The following GALK2 variants were observed in gnomAD, a reference collection of about 807,000 sequenced individuals.
The protein encoded by GALK2 is galactokinase 2.
In GALK2, 36 loss-of-function variants were observed where a neutral mutation model predicts 52.4. The observed-to-expected ratio is 0.69, with a 90% confidence interval of 0.53 to 0.91. GALK2 has a LOEUF of 0.91. Among genes scored for constraint, GALK2 ranks in the 40% least tolerant of loss-of-function variants. The pLI is 0.00. For missense variants in GALK2, 579 were observed against 559.1 expected, an observed-to-expected ratio of 1.04 and a Z score of -0.36; for synonymous variants, 176 against 199.1, an observed-to-expected ratio of 0.88 and a Z score of 0.98.
At chr15:49,176,908 A>G (rs949024646) in intron 1 of GALK2, among the ~76,000 whole-genome samples, 7 of 152,174 alleles carry the variant, frequency 4.6e-5, no homozygotes, top group Non-Finnish European at 7.4e-5. Flanking sequence ...AGAAAATACC[A>G]CTTTTTCCTT....
At chr15:49,338,572 T>G (rs557489827) in intron 3 of GALK2, among the ~76,000 whole-genome samples, 2 of 152,340 alleles carry the variant, frequency 1.3e-5, no homozygotes, top group South Asian at 4.1e-4. Flanking sequence ...TTTCCTTCAT[T>G]TCAACCTTGG....
intron 3 of GALK2, among the ~76,000 whole-genome samples, chr15:49,341,144 C>G (rs1191430272): frequency 6.6e-6 from 1 of 152,118 alleles, no homozygotes; most frequent in Admixed American, 6.5e-5. Flanking sequence ...TGTACCAGTA[C>G]CATGCTGTTT....
intron 1 of GALK2, among the ~76,000 whole-genome samples, chr15:49,197,213 C>T (rs1396053881): frequency 1.3e-5 from 2 of 152,152 alleles, no homozygotes; most frequent in Non-Finnish European, 2.9e-5. Flanking sequence ...AATACCTTTG[C>T]CCATTTCTTG....
chr15:49,164,026 A>C (rs73390343), intron 1 of GALK2, among the ~76,000 whole-genome samples: 28,307 of 152,064 alleles, frequency 0.19, 2,784 homozygotes, highest in Non-Finnish European at 0.21. Flanking sequence ...AGTTCTGGAA[A>C]GAAAACTCGT....
chr15:49,324,718 G>A (rs1360512119), intron 9 of GALK2, among the ~76,000 whole-genome samples: 1 of 152,056 alleles, frequency 6.6e-6, no homozygotes, highest in African/African-American at 2.4e-5. Context: ...GAGAGCAGAA[G>A]CTAGAAGTCT....
At position 49,203,607 on chromosome 15, in the gene GALK2, A is replaced by G. The variant is rs921965623; in HGVS notation, c.142+2357A>G. Among the ~76,000 whole-genome samples, 4 of 152,250 alleles carry G rather than the reference A, an allele frequency of 2.6e-5. No individual in the cohort carries two copies. The East Asian group carries it at 5.8e-4, about 22-fold the overall frequency. On this transcript the variant is annotated intron_variant, in intron 2 of 9. Coordinates refer to ENST00000560031, the MANE Select transcript of GALK2 (RefSeq NM_002044.4). Reference sequence around the variant, plus strand: ...ATTCATAAAATCTTTGCCTAGACCAATGTCTTGAAGTGTTTCCTTTATGTT... The same window carrying G: ...ATTCATAAAATCTTTGCCTAGACCAGTGTCTTGAAGTGTTTCCTTTATGTT...
At chr15:49,254,142 G>A (rs2091722317) in intron 5 of GALK2, among the ~76,000 whole-genome samples, 1 of 144,110 alleles carries the variant, frequency 6.9e-6, no homozygotes, top group Non-Finnish European at 1.6e-5. Context: ...TAATTGGATT[G>A]GGTTGAATTA....
chr15:49,303,377 A>G (rs970947053), intron 8 of GALK2, among the ~76,000 whole-genome samples: 1 of 152,078 alleles, frequency 6.6e-6, no homozygotes, highest in African/African-American at 2.4e-5. Context: ...CACACCAGTG[A>G]TTTGTGTTGT....
At chr15:49,265,742 T>G (rs2141660952) in intron 5 of GALK2, among the ~76,000 whole-genome samples, 1 of 152,348 alleles carries the variant, frequency 6.6e-6, no homozygotes. Context: ...CCATGTTTTT[T>G]TAACTGAATG....
At chr15:49,168,180 T>C (rs1440128150), upstream of GALK2, among the ~76,000 whole-genome samples, 2 of 152,244 alleles carry the variant, frequency 1.3e-5, no homozygotes, top group African/African-American at 4.8e-5. Flanking sequence ...TTGTTGAGAC[T>C]GCAATAGCAA....
downstream of GALK2, among the ~76,000 whole-genome samples, chr15:49,333,510 T>TTTAC (rs1329700272): frequency 6.6e-6 from 1 of 152,226 alleles, no homozygotes; most frequent in Non-Finnish European, 1.5e-5. Context: ...TTTGGAAACT[T>TTTAC]GTAAGAGTCA....
intron 3 of GALK2, among the ~76,000 whole-genome samples, chr15:49,363,938 A>G (rs920501425): frequency 6.6e-6 from 1 of 152,184 alleles, no homozygotes; most frequent in East Asian, 1.9e-4. Context: ...CACATGTTGC[A>G]TGAACCTTGT....
At chr15:49,239,678 C>T (rs1228178414) in intron 5 of GALK2, among the ~76,000 whole-genome samples, 1 of 152,192 alleles carries the variant, frequency 6.6e-6, no homozygotes, top group African/African-American at 2.4e-5. Context: ...TTCTTCCTCT[C>T]ATGGTTGAGC....
chr15:49,328,156 C>G lies in GALK2; in HGVS notation c.1374C>G (p.Ala458=), dbSNP rs983943521. The G allele has an allele frequency of 6.2e-7, 1 of 1,612,176 alleles. No homozygotes were observed. Among genetic ancestry groups the G allele is most frequent in the African/African-American group, 1.3e-5 (1 of 74,802 alleles). The stretch of plus-strand genomic sequence containing the variant: ...GTGGGGCTTTGGTTTTGCTTGAGGC[C>G]TGAAAAAATGTAAAAAGTCTGAGAG... ...PGGGALVLLE[A] is the part of the protein sequence containing the mutation. Residue 458 remains alanine, a synonymous_variant, in exon 10 of 10, where the codon GCC becomes GCG. Transcript: ENST00000560031.
chr15:49,343,208 TTTTG>T (rs941317045), intron 3 of GALK2, among the ~76,000 whole-genome samples: 47 of 152,254 alleles, frequency 3.1e-4, no homozygotes, highest in African/African-American at 1.1e-3. Flanking sequence ...TTCTCAAAGA[TTTTG>T]TTTATTTTTC....
intron 1 of GALK2, among the ~76,000 whole-genome samples, chr15:49,200,081 T>G (rs2087606588): frequency 6.6e-6 from 1 of 152,166 alleles, no homozygotes; most frequent in Non-Finnish European, 1.5e-5. Flanking sequence ...CCTGGTGTTA[T>G]TACCCAGATA....
intron 3 of GALK2, among the ~76,000 whole-genome samples, chr15:49,363,640 G>T (rs555049204): frequency 7.8e-4 from 119 of 152,200 alleles, no homozygotes; most frequent in African/African-American, 2.6e-3. Context: ...GATTGCTCTG[G>T]CCAGGACTTC....
intron 5 of GALK2, among the ~76,000 whole-genome samples, chr15:49,240,308 CT>C (rs2091031583): frequency 6.6e-6 from 1 of 152,112 alleles, no homozygotes. Context: ...TGTGTTTCCC[CT>C]GGTACAATTT....
Position 49,239,328 on chromosome 15 carries a change from C to T in GALK2, c.465C>T (p.Gly155=), listed in dbSNP as rs2090983585. 1 of 1,614,114 alleles carries T rather than the reference C, an allele frequency of 6.2e-7. No individual in the cohort carries two copies. The highest frequency in any genetic ancestry group is 8.5e-7 in the Non-Finnish European group (1 of 1,179,998). Residue 155 remains glycine (G), a synonymous_variant, in exon 5 of 10, where the codon GGC becomes GGT. Transcript: ENST00000560031. The part of the protein sequence containing the change: ...SSSSALVCCA[G]LVTLTVLGRN... ...CCAGTGCTTTGGTCTGTTGTGCTGG[C>T]TTGGTGACGCTCACAGTGCTGGGAA... is the stretch of plus-strand genomic sequence containing the variant.
Sources: allele counts gnomAD v4.1 joint callset (sites outside exome capture counted in the v4.1 genomes callset), GRCh38; gene constraint gnomAD v4.1.1; transcripts MANE v1.5; gene names NCBI Gene and HGNC (gene_info 2026-07-23, HGNC 2026-07-21).